Variants in NPLOC4 observed in about 807,000 individuals in gnomAD.
NPLOC4 encodes the protein nuclear protein localization protein 4 homolog.
A neutral mutation model predicts 80.6 loss-of-function variants in NPLOC4; 18 were observed. That is an observed-to-expected ratio of 0.22 (90% CI 0.15 to 0.33). The LOEUF is 0.33. Among genes scored for constraint, NPLOC4 ranks in the 10% least tolerant of loss-of-function variants. The pLI is 1.00. For missense variants in NPLOC4, 540 were observed against 786.1 expected (o/e 0.69, Z 3.74); for synonymous variants, 313 against 301.5 (o/e 1.04, Z -0.39).
chr17:81,598,793 C>T (rs1016331506), intron 9 of NPLOC4, among the ~76,000 whole-genome samples: 1 of 152,210 alleles, frequency 6.6e-6, no homozygotes, highest in Non-Finnish European at 1.5e-5. Context: ...TGACCCTCTC[C>T]AGCACTACCT....
chr17:81,608,872 C>A (rs1484977191), intron 5 of NPLOC4, 50 bp from the exon 6 acceptor site: 4 of 1,439,774 alleles, frequency 2.8e-6, no homozygotes, highest in Non-Finnish European at 1.9e-6. Flanking sequence ...GCCGGTCACT[C>A]CAGGCGCTGA....
intron 3 of NPLOC4, among the ~76,000 whole-genome samples, chr17:81,617,674 C>CTCCCCA (rs2035537705): frequency 6.7e-6 from 1 of 149,670 alleles, no homozygotes; most frequent in Non-Finnish European, 1.5e-5. Flanking sequence ...CCCCCTCCCC[C>CTCCCCA]TCCGTCTCTT....
chr17:81,585,269 C>A (rs72855675), intron 12 of NPLOC4, among the ~76,000 whole-genome samples: 21,481 of 150,862 alleles, frequency 0.14, 1,819 homozygotes, highest in Admixed American at 0.23. Flanking sequence ...TCCATGATTC[C>A]TGGAGATGAC....
At chr17:81,631,436 A>ATATATATATATTTT (rs1330720098) in intron 1 of NPLOC4, among the ~76,000 whole-genome samples, 1 of 117,070 alleles carries the variant, frequency 8.5e-6, no homozygotes, top group African/African-American at 3.1e-5. Context: ...ATATATATAT[A>ATATATATATATTTT]TTTTTTTTTT....
At chr17:81,630,505 T>C (rs1006260904) in intron 1 of NPLOC4, among the ~76,000 whole-genome samples, 2 of 152,002 alleles carry the variant, frequency 1.3e-5, no homozygotes, top group South Asian at 2.1e-4. Flanking sequence ...GATCTCGAGC[T>C]CCGGGGCTCA....
chr17:81,611,669 T>C (rs901890196), intron 4 of NPLOC4, among the ~76,000 whole-genome samples: 5 of 151,502 alleles, frequency 3.3e-5, no homozygotes, highest in Non-Finnish European at 7.4e-5. Context: ...TAAAGAAAAG[T>C]GTTAAATAGG....
In NPLOC4 at chr17:81,588,932, C is replaced by A. The variant is rs757950610; in HGVS notation, c.1281+12G>T. 1.9e-6 allele frequency: 3 copies of A among 1,607,744 alleles called. No homozygotes were observed. Among genetic ancestry groups the A allele is most frequent in the South Asian group, 2.2e-5 (2 of 90,244 alleles). ...TCCATGTACAGAGTTCTTTTTCTTA[C>A]CATACTTTTACCTTATAAAACACAT... On this transcript the variant is annotated intron_variant, in intron 12 of 16. Coordinates refer to ENST00000331134, the MANE Select transcript of NPLOC4 (RefSeq NM_017921.4).
At chr17:81,625,018 C>G (rs2144312115) in intron 2 of NPLOC4, among the ~76,000 whole-genome samples, 2 of 152,218 alleles carry the variant, frequency 1.3e-5, no homozygotes, top group South Asian at 4.1e-4. Context: ...GAAGAGGAAG[C>G]TAGAGTGCCA....
At position 81,629,666 on chromosome 17, in the gene NPLOC4, T is replaced by C. The variant is rs979042152; in HGVS notation, c.96+59A>G. On this transcript the variant is annotated intron_variant, in intron 2 of 16. Transcript: ENST00000331134. ...ACGAGGAAAAGAGAAAAGGTATCGA[T>C]GGCAGTAAGAGTAGAGGATGAAAAA... 12 of 1,220,104 alleles carry C rather than the reference T, an allele frequency of 9.8e-6. No individual in the cohort carries two copies. The East Asian group carries it at 1.6e-4, about 17-fold the overall frequency. 75.6% of individuals were successfully genotyped at this position (1,220,104 alleles called of 1,614,324 possible).
chr17:81,631,894 A>T (rs1377729655), intron 1 of NPLOC4, among the ~76,000 whole-genome samples: 1 of 150,434 alleles, frequency 6.6e-6, no homozygotes, highest in Non-Finnish European at 1.5e-5. Context: ...CTGCCTCTTG[A>T]GTTCAAGTGA....
At position 81,616,177 on chromosome 17, in the gene NPLOC4, C is replaced by T. The variant is rs148654943; in HGVS notation, c.210-2683G>A. ...GCTAAAAATAAAAAAAAAAATTAGC[C>T]GGGGGTGGTGGCGGGCACCTGTAAT... On this transcript the variant is annotated intron_variant, in intron 3 of 16. Transcript: ENST00000331134. 5.5e-4 allele frequency among the ~76,000 whole-genome samples: 84 copies of T among 151,520 alleles called. No homozygotes were observed. In the East Asian group the frequency reaches 0.012, roughly 21 times the overall value.
chr17:81,589,100 A>C lies in NPLOC4; in HGVS notation c.1125T>G (p.Gly375=). 1 of 1,612,668 alleles carries C rather than the reference A, an allele frequency of 6.2e-7. No homozygotes were observed. The highest frequency in any genetic ancestry group is 1.1e-5 in the South Asian group (1 of 90,916). ...SKFVTAVATG[G]PDNQVHFEGY... is the part of the protein sequence containing the mutation. ...CTTCAAAGTGGACTTGGTTGTCAGG[A>C]CCACCTGCAAGAGAGAGACCTTTAA... Residue 375 remains glycine, a synonymous_variant, in exon 12 of 17, where the codon GGT becomes GGG. Transcript: ENST00000331134.
At chr17:81,606,080 C>T (rs561696429) in intron 7 of NPLOC4, among the ~76,000 whole-genome samples, 1 of 152,212 alleles carries the variant, frequency 6.6e-6, no homozygotes, top group South Asian at 2.1e-4. Context: ...CCTCAACCTC[C>T]CAAAGTGCTG....
Position 81,606,633 on chromosome 17 carries a change from TG to T in NPLOC4, c.654+57del. The T allele has an allele frequency of 5.1e-6, 8 of 1,580,078 alleles. 1 individual carries two copies. The South Asian group carries it at 9.1e-5, about 18-fold the overall frequency. On this transcript the variant is annotated intron_variant, in intron 7 of 16. Coordinates refer to ENST00000331134, the MANE Select transcript of NPLOC4 (RefSeq NM_017921.4). ...AGCATTCCACTCCAAGGGGCTCTTC[TG>T]GAAATATCCGTTTCTCAGCCATGAA...
intron 12 of NPLOC4, among the ~76,000 whole-genome samples, chr17:81,583,955 T>C (rs935108480): frequency 3.9e-5 from 6 of 152,264 alleles, no homozygotes; most frequent in Admixed American, 1.3e-4. Flanking sequence ...TTACCCCTTA[T>C]CTTTAAATAA....
intron 2 of NPLOC4, among the ~76,000 whole-genome samples, chr17:81,625,166 A>T (rs1337359552): frequency 6.6e-6 from 1 of 152,224 alleles, no homozygotes; most frequent in Non-Finnish European, 1.5e-5. Context: ...GAATGGAATG[A>T]GAGAAAGGAA....
At chr17:81,622,045 C>A in intron 3 of NPLOC4, 121 bp downstream of exon 3, 1 of 704,278 alleles carries the variant, frequency 1.4e-6, no homozygotes, top group South Asian at 1.6e-5. Flanking sequence ...GTATTCTGGT[C>A]AGTTGATAAG....
chr17:81,616,888 G>A (rs1173350882), intron 3 of NPLOC4, among the ~76,000 whole-genome samples: 1 of 152,232 alleles, frequency 6.6e-6, no homozygotes, highest in East Asian at 1.9e-4. Flanking sequence ...TGGAAGAAGA[G>A]GGTGAGTGAC....
At chr17:81,593,169 T>C (rs1032449137) in intron 11 of NPLOC4, among the ~76,000 whole-genome samples, 5 of 152,084 alleles carry the variant, frequency 3.3e-5, no homozygotes, top group Non-Finnish European at 7.4e-5. Flanking sequence ...GTTTTATAAA[T>C]AGCCACAAAA....
Sources: gnomAD v4.1 joint callset for allele counts (sites outside exome capture counted in the v4.1 genomes callset) on GRCh38, gnomAD v4.1.1 for gene constraint, MANE v1.5 for transcripts, NCBI Gene and HGNC (gene_info 2026-07-23, HGNC 2026-07-21) for gene names.